DHRS7B: variants seen among roughly 807,000 people sequenced by gnomAD.
The protein encoded by DHRS7B is dehydrogenase/reductase 7B, also known as peroxisomal reductase activating PPAR-gamma.
A neutral mutation model predicts 26.4 loss-of-function variants in DHRS7B; 24 were observed. The ratio of observed to expected loss-of-function variants is 0.91; its 90% CI spans 0.66 to 1.28. The LOEUF (loss-of-function observed/expected upper bound fraction) is 1.28. DHRS7B is among the 50% of genes most tolerant of loss of function. DHRS7B has a pLI of 0.00. For missense variants in DHRS7B, 368 were observed against 419.4 expected (o/e 0.88, Z 1.07); for synonymous variants, 142 against 166.4 (o/e 0.85, Z 1.13).
At position 21,139,457 on chromosome 17, in the gene DHRS7B, C is replaced by T. The variant is rs375571057; in HGVS notation, c.20+12466C>T. ...TTGGGAGGCTGAGGCAGGCAGATCACAAGGTCAGGAGTTTGAGACCAGCCT... is the reference window on the plus strand; with the variant it reads ...TTGGGAGGCTGAGGCAGGCAGATCATAAGGTCAGGAGTTTGAGACCAGCCT... On this transcript the variant is annotated intron_variant, in intron 1 of 6. Transcript: ENST00000395511. Among the ~76,000 whole-genome samples, 232 of 152,246 alleles carry T rather than the reference C, an allele frequency of 1.5e-3. 1 individual carries two copies. The South Asian group carries it at 0.022, about 14-fold the overall frequency.
intron 1 of DHRS7B, among the ~76,000 whole-genome samples, chr17:21,144,074 A>C (rs932039341): frequency 1.3e-5 from 2 of 152,186 alleles, no homozygotes; most frequent in Non-Finnish European, 2.9e-5. Flanking sequence ...GGGCTTTCTC[A>C]TGATCTAATT....
chr17:21,166,070 G>A (rs1004215816), intron 1 of DHRS7B: 21 of 810,688 alleles, frequency 2.6e-5, no homozygotes, highest in East Asian at 1.3e-4. Context: ...CATTGTCACC[G>A]CACTCCTGTG....
chr17:21,147,489 A>G (rs1973667093), intron 1 of DHRS7B, among the ~76,000 whole-genome samples: 1 of 152,216 alleles, frequency 6.6e-6, no homozygotes, highest in Admixed American at 6.5e-5. Flanking sequence ...TTGTCCCAGA[A>G]CTCAAACATG....
intron 1 of DHRS7B, among the ~76,000 whole-genome samples, chr17:21,136,545 TTTTGTTTGTTTG>T (rs150550451): frequency 2.0e-5 from 3 of 151,026 alleles, no homozygotes; most frequent in Admixed American, 2.0e-4. Context: ...TTGTGGGTTT[TTTTGTTTGTTTG>T]TTTGTTTGTT....
At chr17:21,153,036 A>G (rs1419436849) in intron 1 of DHRS7B, among the ~76,000 whole-genome samples, 1 of 152,220 alleles carries the variant, frequency 6.6e-6, no homozygotes. Flanking sequence ...GGGAAAATAC[A>G]CAGAAGAGAC....
intron 3 of DHRS7B, among the ~76,000 whole-genome samples, chr17:21,178,865 A>G (rs1012818035): frequency 2.6e-5 from 4 of 151,762 alleles, no homozygotes; most frequent in African/African-American, 9.7e-5. Flanking sequence ...CACCATATTG[A>G]CCAGGCTGGA....
intron 2 of DHRS7B, among the ~76,000 whole-genome samples, chr17:21,173,395 T>C (rs1242802415): frequency 6.6e-6 from 1 of 152,130 alleles, no homozygotes; most frequent in Admixed American, 6.5e-5. Flanking sequence ...CACATCTCTG[T>C]CTCTAGAACT....
At chr17:21,178,383 C>A (rs1974433305) in intron 3 of DHRS7B, 41 bp downstream of exon 3, 1 of 1,550,010 alleles carries the variant, frequency 6.5e-7, no homozygotes. Flanking sequence ...GGAGTGCAGG[C>A]CGTCTTCTGT....
At chr17:21,167,582 G>T (rs1370658933) in intron 1 of DHRS7B, among the ~76,000 whole-genome samples, 2 of 152,082 alleles carry the variant, frequency 1.3e-5, no homozygotes, top group Non-Finnish European at 2.9e-5. Flanking sequence ...GTGCACTATG[G>T]TTTCTATTTG....
chr17:21,181,385 C>T (rs542549400), intron 3 of DHRS7B, among the ~76,000 whole-genome samples: 3 of 152,258 alleles, frequency 2.0e-5, no homozygotes, highest in African/African-American at 7.2e-5. Context: ...TGCGCCTCGC[C>T]GGACTGAGTA....
chr17:21,186,197 G>C lies in DHRS7B; in HGVS notation c.619+1734G>C, dbSNP rs543242018. On this transcript the variant is annotated intron_variant, in intron 5 of 6. Transcript: ENST00000395511. ...GGCCTTCTCACCTATAAAATGAGGA[G>C]AACGGCATTTTCTCTGTCACACTGC... 8.5e-4 allele frequency among the ~76,000 whole-genome samples: 129 copies of C among 152,294 alleles called. 1 individual carries two copies. Among genetic ancestry groups the C allele is most frequent in the African/African-American group, 3.0e-3 (124 of 41,562 alleles).
At chr17:21,172,235 A>G in intron 2 of DHRS7B, 39 bp downstream of exon 2, 1 of 1,579,614 alleles carries the variant, frequency 6.3e-7, no homozygotes, top group Non-Finnish European at 8.6e-7. Context: ...GGCGGGGGTA[A>G]GTCAGCCAGG....
intron 3 of DHRS7B, among the ~76,000 whole-genome samples, chr17:21,182,525 A>G (rs1974536807): frequency 6.6e-6 from 1 of 151,994 alleles, no homozygotes; most frequent in Admixed American, 6.6e-5. Flanking sequence ...CTAGGATTAT[A>G]GGCATGAGCC....
chr17:21,132,494 G>A (rs778465857), intron 1 of DHRS7B, among the ~76,000 whole-genome samples: 1 of 134,078 alleles, frequency 7.5e-6, no homozygotes, highest in Non-Finnish European at 1.5e-5. Flanking sequence ...TCACACCACT[G>A]CACCCCAGCC....
At chr17:21,184,262 C>A (rs911705066) in intron 4 of DHRS7B, 109 bp from the exon 5 acceptor site, 1 of 962,868 alleles carries the variant, frequency 1.0e-6, no homozygotes, top group South Asian at 1.6e-5. Context: ...GGGTTTTCAC[C>A]ATTCTCCCTC....
intron 3 of DHRS7B, among the ~76,000 whole-genome samples, chr17:21,180,364 C>T (rs368990658): frequency 5.9e-5 from 9 of 152,232 alleles, no homozygotes; most frequent in East Asian, 5.8e-4. Context: ...TTAGCCACCA[C>T]GCCTGGCCAA....
intron 1 of DHRS7B, among the ~76,000 whole-genome samples, chr17:21,148,591 A>G: frequency 6.6e-6 from 1 of 152,098 alleles, no homozygotes; most frequent in Non-Finnish European, 1.5e-5. Context: ...CAAAAAGTAT[A>G]AAAAATTAGC....
intron 4 of DHRS7B, 129 bp from the exon 5 acceptor site, chr17:21,184,242 C>G (rs987286523): frequency 2.6e-6 from 2 of 780,474 alleles, no homozygotes; most frequent in Non-Finnish European, 4.1e-6. Flanking sequence ...ACATAGTCCT[C>G]TACCCTAAGG....
chr17:21,145,270 G>A (rs942651565), intron 1 of DHRS7B, among the ~76,000 whole-genome samples: 2 of 151,816 alleles, frequency 1.3e-5, no homozygotes, highest in Non-Finnish European at 2.9e-5. Context: ...CTTGGAGTAA[G>A]CCGGGATCGC....
Sources: gnomAD v4.1 joint callset for allele counts (sites outside exome capture counted in the v4.1 genomes callset) on GRCh38, gnomAD v4.1.1 for gene constraint, MANE v1.5 for transcripts, NCBI Gene and HGNC (gene_info 2026-07-23, HGNC 2026-07-21) for gene names.